RELN: variants seen among roughly 807,000 people sequenced by gnomAD.
RELN encodes the protein reelin.
In RELN, 108 loss-of-function variants were observed where a neutral mutation model predicts 427.6. The observed-to-expected ratio is 0.25, with a 90% CI of 0.22 to 0.30. The LOEUF is 0.30. Among genes scored for constraint, RELN ranks in the 10% least tolerant of loss-of-function variants. RELN has a pLI of 1.00. For synonymous variants in RELN, 1,524 were observed against 1,513.4 expected, an observed-to-expected ratio of 1.01 and a Z score of -0.16; for missense variants, 3,715 against 4,302.8, an observed-to-expected ratio of 0.86 and a Z score of 3.82.
intron 12 of RELN, among the ~76,000 whole-genome samples, chr7:103,655,731 C>A (rs975715724): frequency 1.3e-5 from 2 of 152,046 alleles, no homozygotes; most frequent in African/African-American, 4.8e-5. Flanking sequence ...CATAGGATGT[C>A]CATACACTGG....
At chr7:103,768,284 G>C (rs1005588807) in intron 4 of RELN, among the ~76,000 whole-genome samples, 1 of 151,856 alleles carries the variant, frequency 6.6e-6, no homozygotes, top group Non-Finnish European at 1.5e-5. Flanking sequence ...AAAAACTCTA[G>C]CTCCTTGTCT....
At position 103,565,021 on chromosome 7, in the gene RELN, A is replaced by G. The variant is rs1490812125; in HGVS notation, c.5210+257T>C. 6.6e-5 allele frequency among the ~76,000 whole-genome samples: 10 copies of G among 152,344 alleles called. No individual in the cohort carries two copies. The East Asian group carries it at 1.7e-3, about 26-fold the overall frequency. On this transcript the variant is annotated intron_variant, in intron 34 of 64. Coordinates refer to ENST00000428762, the MANE Select transcript of RELN (RefSeq NM_005045.4). Reference sequence around the variant, plus strand: ...ATGGGCAGAGACTTATTTTTACAACAGTTTAAAAATGGAATCTGGTGGGCA... The same window carrying G: ...ATGGGCAGAGACTTATTTTTACAACGGTTTAAAAATGGAATCTGGTGGGCA...
At chr7:103,596,306 A>G (rs1831535650) in intron 25 of RELN, 150 bp downstream of exon 25, 1 of 703,058 alleles carries the variant, frequency 1.4e-6, no homozygotes, top group East Asian at 2.7e-5. Context: ...TAAGTGAAAT[A>G]AAATCTTTAT....
intron 1 of RELN, among the ~76,000 whole-genome samples, chr7:103,938,519 A>G (rs2116729051): frequency 6.6e-6 from 1 of 152,336 alleles, no homozygotes; most frequent in African/African-American, 2.4e-5. Context: ...AAAAGGTGAA[A>G]AAATGATCTA....
chr7:103,803,987 A>C (rs1792532687), intron 3 of RELN, among the ~76,000 whole-genome samples: 1 of 152,128 alleles, frequency 6.6e-6, no homozygotes, highest in African/African-American at 2.4e-5. Context: ...TCTGTGTTTA[A>C]GATCTTCAAA....
In RELN at chr7:103,573,398, A is replaced by C. The variant is rs1028626187; in HGVS notation, c.4511+694T>G. ...ATTATGCCTCAGTCCATAGCGACTG[A>C]CAGAGAGTACCTGCTTGACAGGCAC... On this transcript the variant is annotated intron_variant, in intron 30 of 64. Transcript: ENST00000428762. The surrounding 1 kb of genome is among the most constrained non-coding windows in gnomAD (Gnocchi z 4.4). 2.0e-5 allele frequency among the ~76,000 whole-genome samples: 3 copies of C among 152,206 alleles called. No homozygotes were observed. The highest frequency in any genetic ancestry group is 2.9e-5 in the Non-Finnish European group (2 of 68,032).
chr7:103,980,874 A>G (rs1007383313), intron 1 of RELN, among the ~76,000 whole-genome samples: 1 of 152,182 alleles, frequency 6.6e-6, no homozygotes, highest in African/African-American at 2.4e-5. Context: ...GCTTAGAACC[A>G]ACCAATTTCC....
intron 20 of RELN, 139 bp from the exon 21 acceptor site, chr7:103,611,942 G>A (rs552936086): frequency 1.4e-5 from 10 of 716,922 alleles, no homozygotes; most frequent in Admixed American, 8.9e-5. Flanking sequence ...AATGGATTTC[G>A]GTCAATCTAA....
chr7:103,962,155 T>A (rs1796570474), intron 1 of RELN, among the ~76,000 whole-genome samples: 1 of 152,156 alleles, frequency 6.6e-6, no homozygotes. Flanking sequence ...ATTCAACACC[T>A]GTAACAAAAC....
intron 7 of RELN, among the ~76,000 whole-genome samples, chr7:103,724,885 T>A (rs928544793): frequency 1.3e-5 from 2 of 151,802 alleles, no homozygotes; most frequent in African/African-American, 4.8e-5. Context: ...TTGAGTATTA[T>A]AAATAAATAT....
chr7:103,490,042 T>A, intron 59 of RELN, 143 bp from the exon 60 acceptor site: 1 of 906,098 alleles, frequency 1.1e-6, no homozygotes, highest in Non-Finnish European at 1.7e-6. Flanking sequence ...CTGGCAGAGG[T>A]GAGAGAACTT....
chr7:103,975,461 A>G (rs1477226107), intron 1 of RELN, among the ~76,000 whole-genome samples: 3 of 152,206 alleles, frequency 2.0e-5, no homozygotes, highest in African/African-American at 7.2e-5. Context: ...CGATAATAGC[A>G]ATGAAGAAAA....
At chr7:103,671,962 A>G (rs897828024) in intron 11 of RELN, among the ~76,000 whole-genome samples, 1 of 152,164 alleles carries the variant, frequency 6.6e-6, no homozygotes, top group African/African-American at 2.4e-5. Context: ...GCAAGCTTAC[A>G]TAAAATCCCT....
intron 1 of RELN, among the ~76,000 whole-genome samples, chr7:103,931,043 CTT>C (rs1431792806): frequency 6.6e-6 from 1 of 152,022 alleles, no homozygotes; most frequent in Non-Finnish European, 1.5e-5. Flanking sequence ...CTTCCTGAGT[CTT>C]ATAAAATTCC....
At position 103,800,054 on chromosome 7, in the gene RELN, G is replaced by A. The variant is rs570689702; in HGVS notation, c.474-23427C>T. Among the ~76,000 whole-genome samples the A allele has an allele frequency of 5.1e-3, 782 of 152,264 alleles. 3 individuals carry two copies. Among genetic ancestry groups the A allele is most frequent in the Middle Eastern group, 0.014 (4 of 294 alleles). On this transcript the variant is annotated intron_variant, in intron 3 of 64. Coordinates refer to ENST00000428762, the MANE Select transcript of RELN (RefSeq NM_005045.4). ...TGTACTGAATGGGCAAAAACTGGAAGCGTTCCCTTTGAAAACTGGCACAAG... is the reference window on the plus strand; with the variant it reads ...TGTACTGAATGGGCAAAAACTGGAAACGTTCCCTTTGAAAACTGGCACAAG...
At chr7:103,891,005 C>G (rs1235461582) in intron 2 of RELN, among the ~76,000 whole-genome samples, 1 of 152,138 alleles carries the variant, frequency 6.6e-6, no homozygotes, top group African/African-American at 2.4e-5. Flanking sequence ...TCGCTTGAAT[C>G]TGGGAGGCAG....
At chr7:103,474,670 G>A (rs1340926501) in intron 64 of RELN, among the ~76,000 whole-genome samples, 1 of 152,062 alleles carries the variant, frequency 6.6e-6, no homozygotes, top group African/African-American at 2.4e-5. Context: ...AAATTATCCT[G>A]TTGCTCCTTT....
intron 2 of RELN, among the ~76,000 whole-genome samples, chr7:103,895,080 A>C (rs1480665083): frequency 5.3e-5 from 8 of 152,144 alleles, no homozygotes. Context: ...AACTGTTAAC[A>C]GATTCTTCTA....
chr7:103,924,265 C>T (rs1795677390), intron 1 of RELN, among the ~76,000 whole-genome samples: 1 of 152,170 alleles, frequency 6.6e-6, no homozygotes, highest in Non-Finnish European at 1.5e-5. Context: ...ATTATTATTA[C>T]AGCCATTTAT....
Sources: gnomAD v4.1 joint callset for allele counts (sites outside exome capture counted in the v4.1 genomes callset) on GRCh38, gnomAD v4.1.1 for gene constraint, Gnocchi (gnomAD v3.1) non-coding constraint, MANE v1.5 for transcripts, NCBI Gene and HGNC (gene_info 2026-07-23, HGNC 2026-07-21) for gene names.